The following LYPD6 variants were observed in gnomAD, a reference collection of about 807,000 sequenced individuals.
LYPD6 encodes the protein ly6/PLAUR domain-containing protein 6.
In LYPD6, 15 loss-of-function variants were observed where a neutral mutation model predicts 22.7. The ratio of observed to expected loss-of-function variants is 0.66; its 90% CI spans 0.44 to 1.02. The LOEUF is 1.02. LYPD6 is among the 50% of genes least tolerant of loss of function. LYPD6 has a pLI of 0.00. For missense variants in LYPD6, 189 were observed against 208.4 expected (o/e 0.91, Z 0.57); for synonymous variants, 72 against 77.5 (o/e 0.93, Z 0.37).
intron 1 of LYPD6, among the ~76,000 whole-genome samples, chr2:149,406,201 G>C (rs1486503540): frequency 1.3e-5 from 2 of 150,810 alleles, no homozygotes; most frequent in Non-Finnish European, 3.0e-5. Context: ...TGAAAAAAAT[G>C]TATATTCTGT....
chr2:149,458,264 C>A (rs981581554), intron 3 of LYPD6, among the ~76,000 whole-genome samples: 4 of 152,150 alleles, frequency 2.6e-5, no homozygotes, highest in Middle Eastern at 3.2e-3. Context: ...TCAATGGAGA[C>A]CGTGTTAGGG....
chr2:149,463,208 C>T (rs1195872803), intron 3 of LYPD6, among the ~76,000 whole-genome samples: 4 of 151,928 alleles, frequency 2.6e-5, no homozygotes, highest in Non-Finnish European at 4.4e-5. Context: ...CAAAATACAT[C>T]ATTAGAAAAT....
chr2:149,426,172 G>T (rs896750286), intron 1 of LYPD6, among the ~76,000 whole-genome samples: 1 of 152,142 alleles, frequency 6.6e-6, no homozygotes, highest in South Asian at 2.1e-4. Context: ...GCACAGGCTG[G>T]CTCTTCTCTG....
chr2:149,332,933 A>G (rs1025916403), intron 1 of LYPD6, among the ~76,000 whole-genome samples: 4 of 152,234 alleles, frequency 2.6e-5, no homozygotes, highest in Non-Finnish European at 5.9e-5. Flanking sequence ...TCAAACCCCT[A>G]AAGGATGATG....
intron 1 of LYPD6, among the ~76,000 whole-genome samples, chr2:149,336,375 T>G (rs1020925612): frequency 6.6e-6 from 1 of 152,202 alleles, no homozygotes; most frequent in Non-Finnish European, 1.5e-5. Flanking sequence ...AGATTGAAGA[T>G]AAGTGTACTT....
chr2:149,416,223 G>A (rs11684344), intron 1 of LYPD6, among the ~76,000 whole-genome samples: 44,489 of 151,976 alleles, frequency 0.29, 8,408 homozygotes, highest in African/African-American at 0.55. Context: ...TTCCTGAGCT[G>A]CCCACTCTGA....
intron 1 of LYPD6, among the ~76,000 whole-genome samples, chr2:149,335,493 T>C (rs758388223): frequency 6.6e-5 from 10 of 152,188 alleles, no homozygotes; most frequent in Non-Finnish European, 1.5e-4. Flanking sequence ...TTAAAACATA[T>C]AAAAGTTTGT....
intron 2 of LYPD6, among the ~76,000 whole-genome samples, chr2:149,444,420 A>G (rs889365287): frequency 5.3e-5 from 8 of 152,184 alleles, no homozygotes; most frequent in Non-Finnish European, 1.0e-4. Context: ...ATAAGACAAC[A>G]ATGAAGTTTA....
At chr2:149,410,239 G>A (rs1248710229) in intron 1 of LYPD6, among the ~76,000 whole-genome samples, 1 of 152,144 alleles carries the variant, frequency 6.6e-6, no homozygotes, top group East Asian at 1.9e-4. Context: ...TCTTTTTTGA[G>A]TATAATGCAT....
chr2:149,355,427 C>A (rs763531877), intron 1 of LYPD6, among the ~76,000 whole-genome samples: 19 of 152,192 alleles, frequency 1.2e-4, no homozygotes, highest in Non-Finnish European at 2.9e-5. Context: ...GTCTTGCATA[C>A]ACTTTTCGAA....
intron 1 of LYPD6, among the ~76,000 whole-genome samples, chr2:149,431,186 A>G (rs1683304095): frequency 1.3e-5 from 2 of 152,230 alleles, no homozygotes; most frequent in Admixed American, 1.3e-4. Flanking sequence ...TGTGAAAATG[A>G]GAGTGTACTT....
downstream of LYPD6, among the ~76,000 whole-genome samples, chr2:149,477,266 C>T (rs975654369): frequency 3.9e-5 from 6 of 152,080 alleles, no homozygotes; most frequent in South Asian, 2.1e-4. Flanking sequence ...CCTGAGACCA[C>T]GTGAGATGTG....
At chr2:149,412,870 G>A (rs1303451774) in intron 1 of LYPD6, among the ~76,000 whole-genome samples, 4 of 152,166 alleles carry the variant, frequency 2.6e-5, no homozygotes, top group East Asian at 1.9e-4. Context: ...TGTGAATGAT[G>A]TGCTAGTTCA....
At chr2:149,411,325 G>T (rs950139649) in intron 1 of LYPD6, among the ~76,000 whole-genome samples, 6 of 151,834 alleles carry the variant, frequency 4.0e-5, no homozygotes, top group Admixed American at 2.0e-4. Context: ...TTATAAACAG[G>T]TATGAAGTCT....
chr2:149,339,138 T>C (rs913648903), intron 1 of LYPD6, among the ~76,000 whole-genome samples: 1 of 152,180 alleles, frequency 6.6e-6, no homozygotes, highest in Admixed American at 6.5e-5. Context: ...TGAAGGTCAC[T>C]GCCTGCTAGA....
chr2:149,465,865 CTT>C (rs1446492333), intron 3 of LYPD6, among the ~76,000 whole-genome samples: 1 of 152,132 alleles, frequency 6.6e-6, no homozygotes, highest in African/African-American at 2.4e-5. Flanking sequence ...TAGTAAAAGA[CTT>C]TTGTTTCACA....
upstream of LYPD6, chr2:149,330,548 G>A (rs1680912854): frequency 6.7e-6 from 1 of 150,158 alleles, no homozygotes; most frequent in Non-Finnish European, 1.5e-5. Context: ...AGTGGCGCGC[G>A]CGCCCCTAGC....
rs111393060 is a variant in LYPD6, at chr2:149,404,456, G to C, written c.-71-33182G>C. Among the ~76,000 whole-genome samples the C allele has an allele frequency of 2.9e-3, 439 of 152,298 alleles. 1 individual carries two copies. Among genetic ancestry groups the C allele is most frequent in the African/African-American group, 1.0e-2 (415 of 41,560 alleles). ...CTTGAAGAGGTCCTTCACATCCCTT[G>C]TAAGTTGGATTCCTAGGTATTGTAT... is the stretch of plus-strand genomic sequence containing the variant. On this transcript the variant is annotated intron_variant, in intron 1 of 4. Transcript: ENST00000334166.
At chr2:149,427,139 G>A (rs901274243) in intron 1 of LYPD6, among the ~76,000 whole-genome samples, 2 of 152,066 alleles carry the variant, frequency 1.3e-5, no homozygotes, top group Admixed American at 1.3e-4. Flanking sequence ...TTTGATTAAA[G>A]GATATAAAGC....
Sources: gnomAD v4.1 joint callset for allele counts (sites outside exome capture counted in the v4.1 genomes callset) on GRCh38, gnomAD v4.1.1 for gene constraint, MANE v1.5 for transcripts, NCBI Gene and HGNC (gene_info 2026-07-23, HGNC 2026-07-21) for gene names.